Variants in TBC1D22A observed in about 807,000 individuals in gnomAD.
TBC1D22A encodes the protein TBC1 domain family member 22A.
TBC1D22A carries 38 observed loss-of-function variants against 60.2 expected under a neutral mutation model. That is an observed-to-expected ratio of 0.63 (90% CI 0.49 to 0.83). The LOEUF is 0.83. Among genes scored for constraint, TBC1D22A ranks in the 40% least tolerant of loss-of-function variants. The pLI, the probability that TBC1D22A is intolerant of heterozygous loss-of-function variation, is 0.00. For synonymous variants in TBC1D22A, 302 were observed against 281.7 expected, an observed-to-expected ratio of 1.07 and a Z score of -0.72; for missense variants, 628 against 701.0, an observed-to-expected ratio of 0.90 and a Z score of 1.18.
At chr22:47,017,761 T>C (rs577009237) in intron 10 of TBC1D22A, among the ~76,000 whole-genome samples, 43 of 152,312 alleles carry the variant, frequency 2.8e-4, no homozygotes, top group African/African-American at 9.9e-4. Context: ...CAGAATGGGG[T>C]AAGGGGCCTC....
At chr22:46,831,010 A>C (rs1236620712) in intron 4 of TBC1D22A, among the ~76,000 whole-genome samples, 1 of 152,130 alleles carries the variant, frequency 6.6e-6, no homozygotes, top group Non-Finnish European at 1.5e-5. Context: ...CATGCTGGGC[A>C]TTGGAGTCAC....
chr22:46,933,525 G>T (rs1467596135), intron 8 of TBC1D22A, among the ~76,000 whole-genome samples: 1 of 152,236 alleles, frequency 6.6e-6, no homozygotes, highest in African/African-American at 2.4e-5. Context: ...CTGATGGGGT[G>T]AGAGGAAGTT....
intron 8 of TBC1D22A, among the ~76,000 whole-genome samples, chr22:46,956,895 T>C (rs2073226167): frequency 6.6e-6 from 1 of 152,336 alleles, no homozygotes; most frequent in Admixed American, 6.5e-5. Context: ...TGTTGCTGGT[T>C]AGGCTGGGGC....
intron 8 of TBC1D22A, among the ~76,000 whole-genome samples, chr22:46,921,020 C>T (rs2070727484): frequency 6.6e-6 from 1 of 152,162 alleles, no homozygotes; most frequent in Admixed American, 6.5e-5. Flanking sequence ...ATCCACCCAC[C>T]TCGGCCTCCC....
intron 11 of TBC1D22A, among the ~76,000 whole-genome samples, chr22:47,089,336 G>A (rs1326106569): frequency 6.6e-6 from 1 of 152,274 alleles, no homozygotes; most frequent in Admixed American, 6.5e-5. Context: ...CTAGCAGCAT[G>A]CAGGCAGAGC....
At chr22:47,050,557 G>A (rs1462271835) in intron 11 of TBC1D22A, among the ~76,000 whole-genome samples, 1 of 152,242 alleles carries the variant, frequency 6.6e-6, no homozygotes, top group Admixed American at 6.5e-5. Flanking sequence ...GTTCACTGCA[G>A]CCAGCATTTG....
intron 11 of TBC1D22A, among the ~76,000 whole-genome samples, chr22:47,097,407 A>G (rs1185123050): frequency 1.3e-5 from 2 of 152,162 alleles, no homozygotes; most frequent in Non-Finnish European, 2.9e-5. Context: ...CGAGGTCAGG[A>G]GATCGAGACC....
chr22:46,765,813 C>G (rs542303449), intron 1 of TBC1D22A, among the ~76,000 whole-genome samples: 2 of 144,752 alleles, frequency 1.4e-5, no homozygotes, highest in East Asian at 2.0e-4. Flanking sequence ...AAGAGTCTCT[C>G]TCTGTAGTCC....
At chr22:47,045,870 G>A (rs945894196) in intron 11 of TBC1D22A, among the ~76,000 whole-genome samples, 4 of 152,104 alleles carry the variant, frequency 2.6e-5, no homozygotes, top group African/African-American at 9.7e-5. Context: ...GCTCCTTCAG[G>A]TGGCTGCAGC....
At chr22:46,937,388 A>G (rs2071718081) in intron 8 of TBC1D22A, among the ~76,000 whole-genome samples, 1 of 152,182 alleles carries the variant, frequency 6.6e-6, no homozygotes, top group Admixed American at 6.5e-5. Flanking sequence ...TCACCTGGTG[A>G]CATCATGGCC....
chr22:47,000,263 G>A (rs926275967), intron 10 of TBC1D22A, among the ~76,000 whole-genome samples: 4 of 152,110 alleles, frequency 2.6e-5, no homozygotes, highest in East Asian at 3.9e-4. Context: ...CATCAGGAGC[G>A]AGCAGAGAGC....
intron 4 of TBC1D22A, among the ~76,000 whole-genome samples, chr22:46,819,729 A>T (rs62233848): frequency 1 from 152,336 of 152,336 alleles, 76,168 homozygotes; most frequent in Non-Finnish European, 1. Flanking sequence ...CCAGTTTTGG[A>T]CTGAGGATGA....
intron 4 of TBC1D22A, among the ~76,000 whole-genome samples, chr22:46,877,860 G>T (rs1051913140): frequency 1.3e-5 from 2 of 152,150 alleles, no homozygotes; most frequent in Non-Finnish European, 2.9e-5. Context: ...GCCATTTGGG[G>T]CATGGGAGTG....
At chr22:47,125,942 A>T (rs1166318526) in intron 12 of TBC1D22A, among the ~76,000 whole-genome samples, 1 of 152,182 alleles carries the variant, frequency 6.6e-6, no homozygotes, top group African/African-American at 2.4e-5. Flanking sequence ...CACTCAGAGC[A>T]CGTGGGAACA....
At chr22:46,852,944 C>T (rs1264537340) in intron 4 of TBC1D22A, among the ~76,000 whole-genome samples, 1 of 152,190 alleles carries the variant, frequency 6.6e-6, no homozygotes. Context: ...TGGTTTGGGT[C>T]CCCTGGCGCT....
intron 10 of TBC1D22A, among the ~76,000 whole-genome samples, chr22:47,035,796 T>A (rs563169959): frequency 6.6e-6 from 1 of 152,222 alleles, no homozygotes; most frequent in East Asian, 1.9e-4. Context: ...CAGCTCCCGG[T>A]CCCACGGCCC....
chr22:47,034,737 C>T (rs921802628), intron 10 of TBC1D22A, among the ~76,000 whole-genome samples: 2 of 152,102 alleles, frequency 1.3e-5, no homozygotes, highest in African/African-American at 2.4e-5. Flanking sequence ...CGACGGAGCT[C>T]GAACAGGCCC....
intron 12 of TBC1D22A, among the ~76,000 whole-genome samples, chr22:47,143,280 C>T (rs1419174608): frequency 1.3e-5 from 2 of 152,160 alleles, no homozygotes; most frequent in East Asian, 1.9e-4. Flanking sequence ...TCGACGGAGA[C>T]CTGACAGCAA....
intron 10 of TBC1D22A, among the ~76,000 whole-genome samples, chr22:47,022,955 A>G (rs958704823): frequency 6.6e-6 from 1 of 152,276 alleles, no homozygotes; most frequent in African/African-American, 2.4e-5. Flanking sequence ...TTCCAACAAG[A>G]TAAAAGTGAC....
Sources: gnomAD v4.1 joint callset for allele counts (sites outside exome capture counted in the v4.1 genomes callset) on GRCh38, gnomAD v4.1.1 for gene constraint, MANE v1.5 for transcripts, NCBI Gene and HGNC (gene_info 2026-07-23, HGNC 2026-07-21) for gene names.